VIT: variants seen among roughly 807,000 people sequenced by gnomAD.
The protein encoded by VIT is vitrin.
In VIT, 99 loss-of-function variants were observed where a neutral mutation model predicts 78.0. That is an observed-to-expected ratio of 1.27 (90% CI 1.08 to 1.50). The LOEUF (loss-of-function observed/expected upper bound fraction) is 1.50, where lower values mean the gene tolerates loss of function less well. Among genes scored for constraint, VIT ranks in the 40% most tolerant of loss-of-function variants. VIT has a pLI of 0.00. For synonymous variants in VIT, 374 were observed against 334.3 expected (o/e 1.12, Z -1.29); for missense variants, 1,126 against 875.3 (o/e 1.29, Z -3.61).
intron 9 of VIT, among the ~76,000 whole-genome samples, chr2:36,780,837 G>A (rs1004145192): frequency 2.0e-5 from 3 of 151,976 alleles, no homozygotes; most frequent in Non-Finnish European, 4.4e-5. Context: ...AGGGAGGGGA[G>A]ACATGGAAAA....
At chr2:36,715,382 C>T (rs1051985954) in intron 1 of VIT, among the ~76,000 whole-genome samples, 3 of 151,910 alleles carry the variant, frequency 2.0e-5, no homozygotes, top group African/African-American at 7.3e-5. Context: ...ACTAAAAATA[C>T]AAAACTCAGC....
chr2:36,743,068 G>A (rs144024705), intron 3 of VIT, 32 bp from the exon 4 acceptor site: 1 of 1,612,286 alleles, frequency 6.2e-7, no homozygotes, highest in Non-Finnish European at 8.5e-7. Flanking sequence ...AATAGCACAA[G>A]GTGTAATTTT....
chr2:36,767,271 G>A lies in VIT; in HGVS notation c.665G>A (p.Arg222Lys), dbSNP rs143057685. The change falls in exon 7 of 16, where the codon AGG becomes AAG. Residue 222 changes from arginine (R) to lysine (K), a missense_variant. Arg to Lys is a conservative substitution (Grantham distance 26, BLOSUM62 2). Coordinates refer to ENST00000379242, the MANE Select transcript of VIT (RefSeq NM_053276.4). ...CCCAGACCACAATCAGTGGGCCACA[G>A]GAGCCAGGAGATGGGTCAGTAGGTA... ...SIPRPQSVGH[R>K]SQEMDLWSTA... 1.4e-5 allele frequency: 22 copies of A among 1,570,812 alleles called. No individual in the cohort carries two copies. In the African/African-American group the frequency reaches 2.5e-4, roughly 18 times the overall value.
At chr2:36,722,274 G>A (rs766155873) in intron 2 of VIT, among the ~76,000 whole-genome samples, 7 of 152,100 alleles carry the variant, frequency 4.6e-5, no homozygotes, top group Admixed American at 1.3e-4. Flanking sequence ...TAAAGAGGCC[G>A]ACACTGTAGC....
chr2:36,772,154 A>C (rs1291557292), intron 7 of VIT, among the ~76,000 whole-genome samples: 1 of 152,134 alleles, frequency 6.6e-6, no homozygotes, highest in Non-Finnish European at 1.5e-5. Flanking sequence ...TGCCTCCCTA[A>C]TTCCAACACT....
At chr2:36,795,345 A>G (rs930956100) in intron 12 of VIT, among the ~76,000 whole-genome samples, 6 of 82,942 alleles carry the variant, frequency 7.2e-5, no homozygotes, top group Admixed American at 1.7e-4. Flanking sequence ...ACTCTGCCTT[A>G]TTTTATTTTA....
chr2:36,805,453 T>A lies in VIT; in HGVS notation c.1178T>A (p.Phe393Tyr). ...GLSNVGRAIS[F>Y]VTKNFFSKAN... ...TTTCTTCCAGGTCGGGCCATCTCCT[T>A]TGTGACCAAGAACTTCTTTTCCAAA... Residue 393 changes from phenylalanine (F) to tyrosine (Y), a missense_variant, in exon 14 of 16, where the codon TTT (phenylalanine) becomes TAT (tyrosine). By Grantham distance (22) the Phe-to-Tyr change is conservative (BLOSUM62 3). Transcript: ENST00000379242. 1.2e-6 allele frequency: 2 copies of A among 1,611,708 alleles called. No homozygotes were observed. The highest frequency in any genetic ancestry group is 1.7e-6 in the Non-Finnish European group (2 of 1,178,756).
At chr2:36,742,448 G>T (rs1448577977) in intron 3 of VIT, among the ~76,000 whole-genome samples, 1 of 152,128 alleles carries the variant, frequency 6.6e-6, no homozygotes, top group Non-Finnish European at 1.5e-5. Context: ...CTCCCATTAT[G>T]ACTTCAGATC....
intron 3 of VIT, among the ~76,000 whole-genome samples, chr2:36,732,262 C>CA: frequency 6.6e-6 from 1 of 152,304 alleles, no homozygotes; most frequent in South Asian, 2.1e-4. Flanking sequence ...GACCCAAGGG[C>CA]AAACCTCTTT....
chr2:36,779,711 T>TTA (rs1450949452), intron 9 of VIT, among the ~76,000 whole-genome samples: 1 of 152,230 alleles, frequency 6.6e-6, no homozygotes, highest in African/African-American at 2.4e-5. Flanking sequence ...AGTGAGGACA[T>TTA]GCAGTATTAG....
At position 36,758,104 on chromosome 2, in the gene VIT, G is replaced by A. The variant is rs1472807581; in HGVS notation, c.410-865G>A. 2.6e-5 allele frequency among the ~76,000 whole-genome samples: 4 copies of A among 152,210 alleles called. No homozygotes were observed. In the East Asian group the frequency reaches 7.7e-4, roughly 29 times the overall value. On this transcript the variant is annotated intron_variant, in intron 5 of 15. Transcript: ENST00000379242. ...GGGAGAAGAAATGCTTTCATTACTA[G>A]ATGTAATATTGGCTAACAGGTAGTA...
chr2:36,736,749 G>T (rs1243840839), intron 3 of VIT, among the ~76,000 whole-genome samples: 1 of 152,208 alleles, frequency 6.6e-6, no homozygotes, highest in Non-Finnish European at 1.5e-5. Flanking sequence ...CTCAGAAGTA[G>T]GTTAGAGGCC....
intron 5 of VIT, 71 bp from the exon 6 acceptor site, chr2:36,758,898 A>C: frequency 7.5e-7 from 1 of 1,328,714 alleles, no homozygotes; most frequent in South Asian, 1.2e-5. Context: ...GACAGAATCA[A>C]CTTAGTACAG....
intron 2 of VIT, among the ~76,000 whole-genome samples, chr2:36,724,333 G>A (rs1225879392): frequency 1.3e-5 from 2 of 152,154 alleles, no homozygotes; most frequent in East Asian, 1.9e-4. Flanking sequence ...AAGTTTTCTT[G>A]ACCTGCATGG....
In VIT at chr2:36,801,408, T is replaced by G. The variant is rs760437131; in HGVS notation, c.1162+4T>G. 3 of 1,601,722 alleles carry G rather than the reference T, an allele frequency of 1.9e-6. No individual in the cohort carries two copies. The highest frequency in any genetic ancestry group is 2.6e-6 in the Non-Finnish European group (3 of 1,169,144). On this transcript the variant is annotated splice_donor_region_variant and intron_variant, in intron 13 of 15. Transcript: ENST00000379242. ...AGAGGAGGACTTTCTAATGTAGGTA[T>G]GTGATCCGGATTCAAATTATACTAT...
chr2:36,733,349 CCT>C (rs753060335), intron 3 of VIT, among the ~76,000 whole-genome samples: 7 of 151,910 alleles, frequency 4.6e-5, no homozygotes, highest in South Asian at 4.2e-4. Flanking sequence ...TCTCTCCCCC[CCT>C]CTCTCTCTCT....
intron 2 of VIT, among the ~76,000 whole-genome samples, chr2:36,726,839 A>AAAC (rs1553364632): frequency 1.6e-3 from 120 of 74,724 alleles, no homozygotes; most frequent in African/African-American, 4.3e-3. Flanking sequence ...AAAAAAAAAA[A>AAAC]AAAACAAAAC....
intron 13 of VIT, 81 bp from the exon 14 acceptor site, chr2:36,805,357 A>C: frequency 1.6e-6 from 2 of 1,267,822 alleles, no homozygotes; most frequent in Non-Finnish European, 1.1e-6. Flanking sequence ...ATTTTTCTGG[A>C]CCTCTTTGTG....
intron 2 of VIT, among the ~76,000 whole-genome samples, chr2:36,728,808 G>A (rs1299941290): frequency 1.5e-3 from 1 of 666 alleles, no homozygotes; most frequent in Non-Finnish European, 0.083. Context: ...GCAAGACTCC[G>A]TCTCAAAAAA....
Sources: gnomAD v4.1 joint callset for allele counts (sites outside exome capture counted in the v4.1 genomes callset) on GRCh38, gnomAD v4.1.1 for gene constraint, MANE v1.5 for transcripts, NCBI Gene and HGNC (gene_info 2026-07-23, HGNC 2026-07-21) for gene names.